NFATC1: variants seen among roughly 807,000 people sequenced by gnomAD.
The protein encoded by NFATC1 is nuclear factor of activated T-cells, cytoplasmic 1.
Under a neutral mutation model 76.0 loss-of-function variants are expected in NFATC1, and 22 were observed. The ratio of observed to expected loss-of-function variants is 0.29; its 90% CI spans 0.21 to 0.41. NFATC1 has a LOEUF of 0.41. Among genes scored for constraint, NFATC1 ranks in the 10% least tolerant of loss-of-function variants. The pLI is 1.00. For missense variants in NFATC1, 1,357 were observed against 1,337.7 expected (o/e 1.01, Z -0.23); for synonymous variants, 704 against 613.1 (o/e 1.15, Z -2.19).
chr18:79,475,823 A>G (rs1047385433), intron 8 of NFATC1, among the ~76,000 whole-genome samples: 2 of 152,196 alleles, frequency 1.3e-5, no homozygotes, highest in African/African-American at 4.8e-5. Flanking sequence ...TAGCCACCCG[A>G]CGCTCAGGCC....
At chr18:79,505,510 CTGTGTGGGAGGAGGTGG>C in intron 9 of NFATC1, among the ~76,000 whole-genome samples, 4 of 28,336 alleles carry the variant, frequency 1.4e-4, no homozygotes, top group African/African-American at 2.8e-4. Context: ...CAGGAGACTG[CTGTGTGGGAGGAGGTGG>C]TGCTGGAGGC....
chr18:79,436,538 C>CGTCCGCGTCCTCCCGCGCCCGCT (rs1568959843), intron 3 of NFATC1, among the ~76,000 whole-genome samples: 3 of 152,136 alleles, frequency 2.0e-5, no homozygotes, highest in Non-Finnish European at 4.4e-5. Context: ...CCGCACCCGG[C>CGTCCGCGTCCTCCCGCGCCCGCT]GTCCGCGTCC....
chr18:79,493,415 G>T (rs2089754461), intron 9 of NFATC1: 1 of 152,264 alleles, frequency 6.6e-6, no homozygotes, highest in African/African-American at 2.4e-5. Flanking sequence ...GCCGTCCCTC[G>T]GCGCGGGGCT....
rs1568927379 is a variant in NFATC1 at position 79,411,384 on chromosome 18, A to G, written c.1109A>G (p.Asp370Gly). 5.7e-6 allele frequency: 9 copies of G among 1,582,462 alleles called. No homozygotes were observed. Among genetic ancestry groups the G allele is most frequent in the Non-Finnish European group, 7.7e-6 (9 of 1,166,500 alleles). Residue 370 changes from aspartate to glycine, a missense_variant, in exon 2 of 10, where the codon GAC becomes GGC. This residue lies in a region of NFATC1 where 691 missense variants were observed against 613.1 expected (regional missense o/e 1.13). Transcript: ENST00000427363. ...CCCCCGGCCGACTTCGCGCCCGAAG[A>G]CTACTCCTCTTTCCAGCACATCAGG... ...PPPPADFAPE[D>G]YSSFQHIRKG...
rs2085055649 is a variant in NFATC1, at chr18:79,397,759, C to G, written c.127+1408C>G. 4.6e-5 allele frequency among the ~76,000 whole-genome samples: 7 copies of G among 152,300 alleles called. No homozygotes were observed. In the South Asian group the frequency reaches 1.5e-3, roughly 32 times the overall value. On this transcript the variant is annotated intron_variant, in intron 1 of 9. Transcript: ENST00000427363. ...AGTTCAGATCTCTGTACCTGAAGAG[C>G]CGGTGGCCGACCTGTAGTAAGGAGC...
At chr18:79,460,682 A>G (rs1390605909) in intron 6 of NFATC1, among the ~76,000 whole-genome samples, 2 of 152,210 alleles carry the variant, frequency 1.3e-5, no homozygotes, top group Non-Finnish European at 2.9e-5. Context: ...TCATTTACCC[A>G]GTGGTTCCTT....
intron 9 of NFATC1, among the ~76,000 whole-genome samples, chr18:79,507,666 C>T (rs1226137589): frequency 1.3e-5 from 2 of 152,212 alleles, no homozygotes; most frequent in African/African-American, 2.4e-5. Flanking sequence ...GCACGTCCCC[C>T]GGAGCCCTAG....
At chr18:79,402,508 C>T (rs1405345432) in intron 1 of NFATC1, 1 of 581,554 alleles carries the variant, frequency 1.7e-6, no homozygotes, top group Non-Finnish European at 2.2e-6. Flanking sequence ...TGCGCCCTTC[C>T]CCGGGAGCCC....
In NFATC1 at chr18:79,451,941, G is replaced by A. The variant is rs773790578; in HGVS notation, c.1903+125G>A. 238 of 1,220,472 alleles carry A rather than the reference G, an allele frequency of 2.0e-4. 5 individuals are homozygous for A. The South Asian group carries it at 2.6e-3, about 14-fold the overall frequency. The allele number at this position is 1,220,472 out of a possible 1,614,324, so 75.6% of individuals were successfully genotyped here. A position where few individuals can be genotyped will look rare whatever the true frequency, so the allele number is the denominator to read the frequency against. ...GGACGGGGCTTATGGGGTGTGGCAC[G>A]GAGCAGAGGCTCTGCGTGGCCCGTG... On this transcript the variant is annotated intron_variant, in intron 6 of 9. Transcript: ENST00000427363.
intron 3 of NFATC1, among the ~76,000 whole-genome samples, chr18:79,445,352 G>T (rs2087161738): frequency 6.6e-6 from 1 of 152,200 alleles, no homozygotes; most frequent in Non-Finnish European, 1.5e-5. Flanking sequence ...GAGCCACGGG[G>T]TCTCTGATGC....
At position 79,486,825 on chromosome 18, in the gene NFATC1, C is replaced by T. The variant is rs531014254; in HGVS notation, c.2670C>T (p.Ala890=). 1.6e-5 allele frequency: 26 copies of T among 1,611,756 alleles called. No individual in the cohort carries two copies. The highest frequency in any genetic ancestry group is 2.2e-5 in the East Asian group (1 of 44,834). ...TCCGCAGGGACGAGTCTCCGACTGCCGGGCCACGGCTGCTGCCAGAGGTGC... is the reference window on the plus strand; with the variant it reads ...TCCGCAGGGACGAGTCTCCGACTGCTGGGCCACGGCTGCTGCCAGAGGTGC... ...STVRRDESPT[A]GPRLLPEVHE... Residue 890 remains alanine, a synonymous_variant, in exon 9 of 10, where the codon GCC becomes GCT. Coordinates refer to ENST00000427363, the MANE Select transcript of NFATC1 (RefSeq NM_001278669.2).
chr18:79,437,706 G>A (rs1432742632), intron 3 of NFATC1, among the ~76,000 whole-genome samples: 4 of 152,214 alleles, frequency 2.6e-5, no homozygotes, highest in African/African-American at 9.6e-5. Context: ...CTGCCCTGAC[G>A]GCAGGCTCTG....
rs533651208 is a variant in NFATC1 at position 79,464,166 on chromosome 18, T to C, written c.1959+2800T>C. On this transcript the variant is annotated intron_variant, in intron 7 of 9. Transcript: ENST00000427363. ...GTGCAGTGGCTCGATCTCAGCTCAT[T>C]GCAGCCTCCGCCTCCCAGGTTCAAG... Among the ~76,000 whole-genome samples the C allele has an allele frequency of 8.1e-4, 124 of 152,340 alleles. 1 individual carries two copies. Among genetic ancestry groups the C allele is most frequent in the African/African-American group, 2.8e-3 (116 of 41,576 alleles).
intron 1 of NFATC1, among the ~76,000 whole-genome samples, chr18:79,405,960 G>C (rs916493194): frequency 6.6e-6 from 1 of 151,876 alleles, no homozygotes; most frequent in African/African-American, 2.4e-5. Flanking sequence ...GAAACGTCAA[G>C]GGCTACGGCC....
chr18:79,476,754 G>A (rs561672971), intron 8 of NFATC1, among the ~76,000 whole-genome samples: 6 of 152,212 alleles, frequency 3.9e-5, no homozygotes, highest in African/African-American at 4.8e-5. Context: ...ATCTGGGCCC[G>A]TCCTGGACAC....
intron 9 of NFATC1, among the ~76,000 whole-genome samples, chr18:79,522,160 T>TG (rs1287993360): frequency 1.8e-4 from 3 of 16,276 alleles, no homozygotes; most frequent in South Asian, 2.0e-3. Context: ...TCTGTGTGTG[T>TG]GTGGGGGGGT....
intron 2 of NFATC1, among the ~76,000 whole-genome samples, chr18:79,432,001 C>CTTGTT (rs2086606623): frequency 6.6e-6 from 1 of 152,234 alleles, no homozygotes; most frequent in Non-Finnish European, 1.5e-5. Context: ...ATGCCCGGCC[C>CTTGTT]TTGTTTTGTT....
chr18:79,423,428 T>C (rs2086170445), intron 2 of NFATC1, among the ~76,000 whole-genome samples: 1 of 152,208 alleles, frequency 6.6e-6, no homozygotes, highest in South Asian at 2.1e-4. Context: ...GGCGGCGTCC[T>C]GGGCTCCCTC....
intron 8 of NFATC1, among the ~76,000 whole-genome samples, chr18:79,474,219 C>T (rs1414193630): frequency 0.058 from 903 of 15,532 alleles, 97 homozygotes; most frequent in African/African-American, 0.15. Flanking sequence ...TGCTCACTGT[C>T]GACGTAAACC....
Sources: gnomAD v4.1 joint callset for allele counts (sites outside exome capture counted in the v4.1 genomes callset) on GRCh38, gnomAD v4.1.1 for gene constraint, gnomAD v4.1.1 regional missense constraint, MANE v1.5 for transcripts, NCBI Gene and HGNC (gene_info 2026-07-23, HGNC 2026-07-21) for gene names.